PRKN: variants seen among roughly 807,000 people sequenced by gnomAD.
The protein encoded by PRKN is E3 ubiquitin-protein ligase parkin.
Under a neutral mutation model 59.5 loss-of-function variants are expected in PRKN, and 56 were observed. The ratio of observed to expected loss-of-function variants is 0.94; its 90% CI spans 0.76 to 1.18. The LOEUF (loss-of-function observed/expected upper bound fraction) is 1.18, where lower values mean the gene tolerates loss of function less well. Ranked by LOEUF, PRKN falls within the 50% of genes most tolerant of loss-of-function variation. The probability of loss-of-function intolerance (pLI) is 0.00; values close to 1 mark genes in which losing one functional copy is unlikely to be tolerated. For synonymous variants in PRKN, 250 were observed against 222.1 expected (o/e 1.13, Z -1.12); for missense variants, 657 against 596.4 (o/e 1.10, Z -1.06).
rs1189278101 is a variant in PRKN, at chr6:162,450,545, A to G, written c.8-7072T>C. On this transcript the variant is annotated intron_variant, in intron 1 of 11. Transcript: ENST00000366898. ...AGGTCAACATCAACAGTGGTAAGTCATCTTGATCATGTTTACCCTTGACAC... is the reference window on the plus strand; with the variant it reads ...AGGTCAACATCAACAGTGGTAAGTCGTCTTGATCATGTTTACCCTTGACAC... Among the ~76,000 whole-genome samples the G allele has an allele frequency of 2.6e-5, 4 of 152,222 alleles. No individual in the cohort carries two copies. In the East Asian group the frequency reaches 7.7e-4, roughly 29 times the overall value.
At chr6:162,180,499 A>G (rs959808410) in intron 4 of PRKN, among the ~76,000 whole-genome samples, 2 of 152,204 alleles carry the variant, frequency 1.3e-5, no homozygotes, top group Non-Finnish European at 2.9e-5. Flanking sequence ...ATGTGTTTAC[A>G]GTCTCTTCAA....
chr6:161,823,841 G>A (rs1792134713), intron 6 of PRKN, among the ~76,000 whole-genome samples: 1 of 152,176 alleles, frequency 6.6e-6, no homozygotes, highest in South Asian at 2.1e-4. Flanking sequence ...TGAGGACTGA[G>A]CAAGGTGATC....
intron 5 of PRKN, among the ~76,000 whole-genome samples, chr6:162,021,461 A>ATTTT (rs72433488): frequency 8.1e-5 from 2 of 24,650 alleles, no homozygotes; most frequent in African/African-American, 1.8e-4. Context: ...ATATATATAT[A>ATTTT]TTTTTTTTTT....
chr6:162,426,878 A>G (rs1483472565), intron 2 of PRKN, among the ~76,000 whole-genome samples: 1 of 152,244 alleles, frequency 6.6e-6, no homozygotes, highest in East Asian at 1.9e-4. Context: ...TTCCACATTA[A>G]TGTGGGAAAT....
At chr6:161,885,219 A>G (rs1315353900) in intron 6 of PRKN, among the ~76,000 whole-genome samples, 2 of 151,930 alleles carry the variant, frequency 1.3e-5, no homozygotes, top group African/African-American at 4.8e-5. Context: ...AAGATGCCCA[A>G]GGCATTCAAT....
intron 4 of PRKN, among the ~76,000 whole-genome samples, chr6:162,061,533 C>T (rs1778105573): frequency 2.6e-5 from 4 of 152,138 alleles, no homozygotes; most frequent in Admixed American, 1.3e-4. Context: ...CTACAGCATG[C>T]TGTTTATAAC....
At chr6:161,710,860 TCC>T (rs1786714934) in intron 7 of PRKN, among the ~76,000 whole-genome samples, 6 of 51,534 alleles carry the variant, frequency 1.2e-4, no homozygotes, top group Admixed American at 7.1e-4. Flanking sequence ...TCCCTTCCCT[TCC>T]CTTTCCTTCC....
chr6:162,066,815 T>G (rs1778359547), intron 4 of PRKN, among the ~76,000 whole-genome samples: 1 of 152,242 alleles, frequency 6.6e-6, no homozygotes, highest in African/African-American at 2.4e-5. Context: ...ATTGAATCAC[T>G]GATACAGATC....
intron 6 of PRKN, among the ~76,000 whole-genome samples, chr6:161,961,584 C>A (rs1281485882): frequency 6.6e-6 from 1 of 152,192 alleles, no homozygotes; most frequent in African/African-American, 2.4e-5. Flanking sequence ...GAGGTGTTCA[C>A]ACCTTCTGCC....
rs1786470962 is a variant in PRKN at position 161,390,764 on chromosome 6, C to T, written c.1084-3887G>A. 1.3e-5 allele frequency among the ~76,000 whole-genome samples: 2 copies of T among 152,154 alleles called. No individual in the cohort carries two copies. The highest frequency in any genetic ancestry group is 3.8e-4 in the East Asian group (2 of 5,200). On this transcript the variant is annotated intron_variant, in intron 9 of 11. Coordinates refer to ENST00000366898, the MANE Select transcript of PRKN (RefSeq NM_004562.3). This position sits in a 1 kb window ranked among gnomAD's most constrained non-coding sequence, Gnocchi z 7.0. ...TCGGCCTCCCAAAGTGCTGGGATTA[C>T]AGGCATGAGCCACCGTGCCTGGCCA...
At chr6:161,661,251 C>A (rs982059996) in intron 7 of PRKN, among the ~76,000 whole-genome samples, 3 of 152,088 alleles carry the variant, frequency 2.0e-5, no homozygotes, top group Non-Finnish European at 4.4e-5. Context: ...CTGACAGGGC[C>A]CTCTGAACAC....
At chr6:161,543,083 C>A (rs1030467677) in intron 9 of PRKN, among the ~76,000 whole-genome samples, 3 of 152,068 alleles carry the variant, frequency 2.0e-5, no homozygotes, top group African/African-American at 7.2e-5. Flanking sequence ...AAAAGAGCTT[C>A]ACATCTATTT....
At chr6:162,614,436 GTTAAC>G (rs1000093425) in intron 1 of PRKN, among the ~76,000 whole-genome samples, 4 of 152,000 alleles carry the variant, frequency 2.6e-5, no homozygotes, top group Non-Finnish European at 5.9e-5. Flanking sequence ...ATTTATATAT[GTTAAC>G]TTATACATAC....
At chr6:162,390,655 C>A (rs891711204) in intron 2 of PRKN, among the ~76,000 whole-genome samples, 1 of 151,948 alleles carries the variant, frequency 6.6e-6, no homozygotes, top group Non-Finnish European at 1.5e-5. Flanking sequence ...GTTGGCCAGG[C>A]TGATCTCGAA....
chr6:162,384,357 C>T (rs73015605), intron 2 of PRKN, among the ~76,000 whole-genome samples: 9,915 of 151,978 alleles, frequency 0.065, 697 homozygotes, highest in East Asian at 0.38. Context: ...ATTTTGTCTC[C>T]GAGAATAGGG....
chr6:162,091,641 AG>A (rs1779501135), intron 4 of PRKN, among the ~76,000 whole-genome samples: 1 of 152,232 alleles, frequency 6.6e-6, no homozygotes, highest in Non-Finnish European at 1.5e-5. Flanking sequence ...CAGGGCAGAC[AG>A]GGTATTCACC....
intron 4 of PRKN, among the ~76,000 whole-genome samples, chr6:162,171,098 T>C (rs1783250192): frequency 6.6e-6 from 1 of 151,980 alleles, no homozygotes; most frequent in South Asian, 2.1e-4. Context: ...GATACTGCGG[T>C]TGAATAGACA....
rs1562383605 is a variant in PRKN at position 161,347,606 on chromosome 6, C to CCTTTTTGTTTTTTTTTTTTTTTTTTTTTT, written c.*2492_*2493insAAAAAAAAAAAAAAAAAAAAAACAAAAAG. On this transcript the variant is annotated 3_prime_UTR_variant, in exon 12 of 12. Coordinates refer to ENST00000366898, the MANE Select transcript of PRKN (RefSeq NM_004562.3). ...TGTTCATGTGTAGTGGATGATCTTG[C>CCTTTTTGTTTTTTTTTTTTTTTTTTTTTT]TTTTTTGTTTTTGTTTTTTTTTTTT... The CCTTTTTGTTTTTTTTTTTTTTTTTTTTTT allele has an allele frequency of 7.4e-6, 1 of 134,762 alleles. No homozygotes were observed. The allele number at this position is 134,762 out of a possible 1,614,324, so 8.3% of individuals were successfully genotyped here.
At chr6:162,475,604 A>T (rs550936340) in intron 1 of PRKN, among the ~76,000 whole-genome samples, 1 of 148,988 alleles carries the variant, frequency 6.7e-6, no homozygotes, top group Non-Finnish European at 1.5e-5. Flanking sequence ...TGTTTGCATG[A>T]GTGTGCATGT....
Sources: gnomAD v4.1 joint callset for allele counts (sites outside exome capture counted in the v4.1 genomes callset) on GRCh38, gnomAD v4.1.1 for gene constraint, Gnocchi (gnomAD v3.1) non-coding constraint, MANE v1.5 for transcripts, NCBI Gene and HGNC (gene_info 2026-07-23, HGNC 2026-07-21) for gene names.